PDE4D: variants seen among roughly 807,000 people sequenced by gnomAD.
PDE4D encodes the protein phosphodiesterase 4D.
Under a neutral mutation model 87.4 loss-of-function variants are expected in PDE4D, and 24 were observed. The observed-to-expected ratio is 0.27, with a 90% CI of 0.20 to 0.39. The LOEUF is 0.39. PDE4D is among the 10% of genes least tolerant of loss of function. PDE4D has a pLI of 1.00. For synonymous variants in PDE4D, 384 were observed against 383.2 expected (o/e 1.00, Z -0.02); for missense variants, 714 against 1,041.0 (o/e 0.69, Z 4.32).
At chr5:59,053,816 C>T (rs1383477621) in intron 5 of PDE4D, among the ~76,000 whole-genome samples, 1 of 151,364 alleles carries the variant, frequency 6.6e-6, no homozygotes, top group East Asian at 1.9e-4. Context: ...GTGCCTCAAG[C>T]GAGGCACAAG....
At chr5:59,991,322 C>T (rs897085272) in intron 2 of PDE4D, among the ~76,000 whole-genome samples, 9 of 152,022 alleles carry the variant, frequency 5.9e-5, no homozygotes, top group African/African-American at 2.2e-4. Flanking sequence ...TAAAGACAAG[C>T]AAGGCTAAGA....
chr5:59,937,426 C>A (rs1756724369), intron 3 of PDE4D, among the ~76,000 whole-genome samples: 1 of 152,104 alleles, frequency 6.6e-6, no homozygotes, highest in South Asian at 2.1e-4. Context: ...TAACAAAATA[C>A]CATAGAATGG....
chr5:59,362,745 T>C (rs1782422835), intron 1 of PDE4D, among the ~76,000 whole-genome samples: 2 of 152,286 alleles, frequency 1.3e-5, no homozygotes, highest in South Asian at 4.2e-4. Flanking sequence ...TCTTACAACT[T>C]TTTAGAATTA....
chr5:60,504,262 A>ATTTTTTTTTTTTTTT (rs5868243), intron 1 of PDE4D, among the ~76,000 whole-genome samples: 1 of 148,760 alleles, frequency 6.7e-6, no homozygotes. Flanking sequence ...GTCTTTATGC[A>ATTTTTTTTTTTTTTT]TTTTTTTTTT....
At chr5:59,530,334 A>T (rs1394032261) in intron 1 of PDE4D, among the ~76,000 whole-genome samples, 1 of 152,152 alleles carries the variant, frequency 6.6e-6, no homozygotes, top group African/African-American at 2.4e-5. Context: ...AACCCATGAA[A>T]CTTGGCCTCA....
At chr5:60,428,898 G>A (rs115863083) in intron 1 of PDE4D, among the ~76,000 whole-genome samples, 167 of 152,298 alleles carry the variant, frequency 1.1e-3, no homozygotes, top group African/African-American at 3.8e-3. Context: ...ACCAGAATTT[G>A]GAACCAGACA....
chr5:60,355,272 C>A (rs1226065883), intron 1 of PDE4D, among the ~76,000 whole-genome samples: 1 of 152,158 alleles, frequency 6.6e-6, no homozygotes, highest in East Asian at 1.9e-4. Context: ...CTGCACTTTG[C>A]AAATGTATCT....
intron 1 of PDE4D, among the ~76,000 whole-genome samples, chr5:60,208,305 C>T (rs1476033933): frequency 6.6e-6 from 1 of 152,110 alleles, no homozygotes; most frequent in Non-Finnish European, 1.5e-5. Flanking sequence ...TGAGTAACAG[C>T]TTAATGGAGG....
At chr5:60,312,647 C>T (rs555066238) in intron 1 of PDE4D, among the ~76,000 whole-genome samples, 2 of 152,146 alleles carry the variant, frequency 1.3e-5, no homozygotes, top group Non-Finnish European at 2.9e-5. Flanking sequence ...TGGGGGAAAC[C>T]ACCTCCATGA....
intron 4 of PDE4D, among the ~76,000 whole-genome samples, chr5:59,184,531 T>A (rs2153480111): frequency 6.7e-6 from 1 of 149,630 alleles, no homozygotes; most frequent in South Asian, 2.1e-4. Flanking sequence ...GGCATTTTAA[T>A]ATTTTATTTC....
chr5:59,579,484 A>C (rs191054124), intron 1 of PDE4D, among the ~76,000 whole-genome samples: 7 of 152,368 alleles, frequency 4.6e-5, no homozygotes, highest in Admixed American at 4.6e-4. Context: ...TGAAGTTTAA[A>C]GACATACAAT....
At chr5:59,676,945 G>T (rs947279850) in intron 1 of PDE4D, among the ~76,000 whole-genome samples, 1 of 151,734 alleles carries the variant, frequency 6.6e-6, no homozygotes, top group African/African-American at 2.4e-5. Flanking sequence ...ACTGTTTCCA[G>T]CCTCTAGTAA....
chr5:59,592,483 T>C (rs1040714408), intron 1 of PDE4D, among the ~76,000 whole-genome samples: 4 of 152,098 alleles, frequency 2.6e-5, no homozygotes, highest in African/African-American at 9.7e-5. Flanking sequence ...AAACACCTAG[T>C]TTCATCACCT....
At chr5:59,520,503 G>A (rs1812002201) in intron 1 of PDE4D, among the ~76,000 whole-genome samples, 1 of 152,110 alleles carries the variant, frequency 6.6e-6, no homozygotes, top group Admixed American at 6.5e-5. Context: ...AGATCTACGT[G>A]GGAAGTGCAG....
At position 58,974,307 on chromosome 5, in the gene PDE4D, G is replaced by GCAAA. The variant is rs1224233453; in HGVS notation, c.*353_*356dup. ...GCAATGCCTTTCTTCTGAAAATATT[G>GCAAA]CAAACAAATAAAAAGGAATAGAAAC... is the stretch of plus-strand genomic sequence containing the variant. On this transcript the variant is annotated 3_prime_UTR_variant, in exon 15 of 15. Coordinates refer to ENST00000340635, the MANE Select transcript of PDE4D (RefSeq NM_001104631.2). 10 of 162,450 alleles carry GCAAA rather than the reference G, an allele frequency of 6.2e-5. No homozygotes were observed. The highest frequency in any genetic ancestry group is 2.4e-4 in the African/African-American group (10 of 40,834). The allele number at this position is 162,450 out of a possible 1,614,324, so 10.1% of individuals were successfully genotyped here.
At chr5:59,776,173 A>G (rs1764059046) in intron 1 of PDE4D, among the ~76,000 whole-genome samples, 1 of 152,168 alleles carries the variant, frequency 6.6e-6, no homozygotes, top group Non-Finnish European at 1.5e-5. Context: ...GGGATGCTTT[A>G]CAAAAGGCAT....
At chr5:59,166,091 C>T (rs1283527950) in intron 5 of PDE4D, among the ~76,000 whole-genome samples, 3 of 152,100 alleles carry the variant, frequency 2.0e-5, no homozygotes. Flanking sequence ...AAGAATTTTG[C>T]ATTAATGAGC....
chr5:59,968,063 C>T (rs1233130718), intron 3 of PDE4D, among the ~76,000 whole-genome samples: 2 of 136,446 alleles, frequency 1.5e-5, no homozygotes, highest in Non-Finnish European at 3.0e-5. Flanking sequence ...CAGCTCACCA[C>T]AACCTCCACC....
chr5:59,956,813 TA>T (rs1274667538), intron 3 of PDE4D, among the ~76,000 whole-genome samples: 8 of 152,166 alleles, frequency 5.3e-5, no homozygotes, highest in Admixed American at 4.6e-4. Flanking sequence ...CTAACAAAAA[TA>T]AATTAGACTG....
Sources: gnomAD v4.1 joint callset for allele counts (sites outside exome capture counted in the v4.1 genomes callset) on GRCh38, gnomAD v4.1.1 for gene constraint, MANE v1.5 for transcripts, NCBI Gene and HGNC (gene_info 2026-07-23, HGNC 2026-07-21) for gene names.